Variants in PLPPR1 observed in about 807,000 individuals in gnomAD.
PLPPR1 encodes the protein phospholipid phosphatase related 1.
Under a neutral mutation model 33.1 loss-of-function variants are expected in PLPPR1, and 10 were observed. The ratio of observed to expected loss-of-function variants is 0.30; its 90% confidence interval spans 0.19 to 0.51. The LOEUF is 0.51. Among genes scored for constraint, PLPPR1 ranks in the 20% least tolerant of loss-of-function variants. The probability of loss-of-function intolerance (pLI) is 0.97; values close to 1 mark genes in which losing one functional copy is unlikely to be tolerated. For missense variants in PLPPR1, 304 were observed against 408.1 expected, an observed-to-expected ratio of 0.74 and a Z score of 2.20; for synonymous variants, 151 against 151.0, an observed-to-expected ratio of 1.00 and a Z score of 0.00.
intron 1 of PLPPR1, among the ~76,000 whole-genome samples, chr9:101,067,448 TA>T (rs1450769596): frequency 7.9e-5 from 12 of 151,960 alleles, no homozygotes; most frequent in African/African-American, 1.7e-4. Flanking sequence ...ATAGGATGGT[TA>T]AAAAATATAT....
chr9:101,154,538 G>C (rs1158133294), intron 1 of PLPPR1, among the ~76,000 whole-genome samples: 1 of 152,254 alleles, frequency 6.6e-6, no homozygotes, highest in East Asian at 1.9e-4. Context: ...CTGTATTTCT[G>C]TGGGATCAGT....
At chr9:101,052,815 A>C (rs1830238613) in intron 1 of PLPPR1, among the ~76,000 whole-genome samples, 1 of 152,228 alleles carries the variant, frequency 6.6e-6, no homozygotes, top group African/African-American at 2.4e-5. Flanking sequence ...ATTGTGGCTT[A>C]AAAGAAAATC....
In PLPPR1 at chr9:101,307,416, A is replaced by C. The variant is rs577464453; in HGVS notation, c.386-1795A>C. 1.2e-4 allele frequency among the ~76,000 whole-genome samples: 19 copies of C among 152,310 alleles called. No individual in the cohort carries two copies. In the South Asian group the frequency reaches 3.7e-3, roughly 30 times the overall value. On this transcript the variant is annotated intron_variant, in intron 4 of 7. Transcript: ENST00000374874. ...TCTGGACAGACTTATTGCCCCTTGA[A>C]AGACCCAGCAACCTGGTCTTTGAAA...
chr9:101,316,570 A>T (rs751074616), intron 6 of PLPPR1, among the ~76,000 whole-genome samples: 12 of 150,088 alleles, frequency 8.0e-5, no homozygotes, highest in Non-Finnish European at 1.5e-4. Flanking sequence ...ATGAAGAAAC[A>T]AAGAAAGTAT....
In PLPPR1 at chr9:101,127,976, T is replaced by C. The variant is rs535398686; in HGVS notation, c.-45-57474T>C. On this transcript the variant is annotated intron_variant, in intron 1 of 7. Transcript: ENST00000374874. ...TAGGAAGAATTAAATCCATCAGATA[T>C]TGGGCTGTGTAGGTGATACTGGGCT... Among the ~76,000 whole-genome samples the C allele has an allele frequency of 7.9e-5, 12 of 152,226 alleles. No homozygotes were observed. In the South Asian group the frequency reaches 2.5e-3, roughly 32 times the overall value.
At chr9:101,249,039 T>C (rs978446977) in intron 2 of PLPPR1, among the ~76,000 whole-genome samples, 24 of 152,214 alleles carry the variant, frequency 1.6e-4, no homozygotes, top group African/African-American at 5.3e-4. Context: ...GTGAGTTAGG[T>C]AGAACCACCA....
At chr9:101,322,122 C>A (rs1829163178) in intron 7 of PLPPR1, among the ~76,000 whole-genome samples, 1 of 134,440 alleles carries the variant, frequency 7.4e-6, no homozygotes. Flanking sequence ...CGCTTGAACC[C>A]AAGAGGCATG....
rs940046820 is a variant in PLPPR1, at chr9:101,045,107, C to A, written c.-46+16005C>A. On this transcript the variant is annotated intron_variant, in intron 1 of 7. Coordinates refer to ENST00000374874, the MANE Select transcript of PLPPR1 (RefSeq NM_207299.2). ...ATTTCAAGACTACCTAGATTAGAAG[C>A]ACCAAGGTCTTGCCAGACATAGCTG... Among the ~76,000 whole-genome samples the A allele has an allele frequency of 4.6e-5, 7 of 152,274 alleles. No homozygotes were observed. In the South Asian group the frequency reaches 8.3e-4, roughly 18 times the overall value.
chr9:101,236,581 A>G (rs1203158579), intron 2 of PLPPR1, among the ~76,000 whole-genome samples: 1 of 150,680 alleles, frequency 6.6e-6, no homozygotes, highest in East Asian at 1.9e-4. Context: ...AGTTACCATA[A>G]TACACTTGAA....
intron 2 of PLPPR1, among the ~76,000 whole-genome samples, chr9:101,259,173 A>C (rs1375254873): frequency 6.6e-6 from 1 of 152,102 alleles, no homozygotes; most frequent in African/African-American, 2.4e-5. Context: ...GAAGACAAGG[A>C]TGTAGTATTT....
intron 3 of PLPPR1, among the ~76,000 whole-genome samples, chr9:101,276,120 T>G (rs1238188620): frequency 6.6e-6 from 1 of 152,130 alleles, no homozygotes; most frequent in Non-Finnish European, 1.5e-5. Flanking sequence ...TACTTCCTCA[T>G]AATCTGCCTT....
chr9:101,225,043 A>C (rs1312304559), intron 2 of PLPPR1, among the ~76,000 whole-genome samples: 1 of 152,214 alleles, frequency 6.6e-6, no homozygotes, highest in East Asian at 1.9e-4. Flanking sequence ...ATAGCCAGAA[A>C]TGTGCCATAG....
intron 3 of PLPPR1, among the ~76,000 whole-genome samples, chr9:101,283,925 T>C (rs1464771888): frequency 1.3e-5 from 2 of 151,982 alleles, no homozygotes; most frequent in Non-Finnish European, 1.5e-5. Context: ...TAAAACCACA[T>C]TGAGATATAA....
intron 1 of PLPPR1, among the ~76,000 whole-genome samples, chr9:101,146,717 C>G (rs902330652): frequency 1.3e-5 from 2 of 152,198 alleles, no homozygotes; most frequent in African/African-American, 4.8e-5. Flanking sequence ...CCCTCTCACC[C>G]CCAGCCAGGA....
chr9:101,086,940 A>AG (rs752488415), intron 1 of PLPPR1, among the ~76,000 whole-genome samples: 2 of 152,198 alleles, frequency 1.3e-5, no homozygotes, highest in Non-Finnish European at 2.9e-5. Context: ...ACACTTTGGG[A>AG]GGCCAAGGAG....
At chr9:101,148,545 G>T (rs949740522) in intron 1 of PLPPR1, among the ~76,000 whole-genome samples, 4 of 152,106 alleles carry the variant, frequency 2.6e-5, no homozygotes, top group African/African-American at 9.7e-5. Context: ...ATTATGTGAG[G>T]TTAAGCCCTT....
At chr9:101,201,412 A>T (rs1358462896) in intron 2 of PLPPR1, among the ~76,000 whole-genome samples, 1 of 152,192 alleles carries the variant, frequency 6.6e-6, no homozygotes, top group Admixed American at 6.5e-5. Context: ...AAGATGAAAC[A>T]CTTTGAAGCT....
At position 101,156,510 on chromosome 9, in the gene PLPPR1, C is replaced by T. The variant is rs186327471; in HGVS notation, c.-45-28940C>T. 2.6e-3 allele frequency among the ~76,000 whole-genome samples: 349 copies of T among 133,550 alleles called. 4 individuals carry two copies. The highest frequency in any genetic ancestry group is 0.019 in the Middle Eastern group (4 of 216). 87.6% of individuals were successfully genotyped at this position (133,550 alleles called of 152,430 possible). On this transcript the variant is annotated intron_variant, in intron 1 of 7. Coordinates refer to ENST00000374874, the MANE Select transcript of PLPPR1 (RefSeq NM_207299.2). ...AAGTTGCAGTGAGCCAAGTTTGCACCATTGCACTCCAGCCTGGGTGATGGG... is the reference window on the plus strand; with the variant it reads ...AAGTTGCAGTGAGCCAAGTTTGCACTATTGCACTCCAGCCTGGGTGATGGG...
At chr9:101,192,811 C>A (rs1826320831) in intron 2 of PLPPR1, among the ~76,000 whole-genome samples, 1 of 152,038 alleles carries the variant, frequency 6.6e-6, no homozygotes. Flanking sequence ...AGGCTTCAAA[C>A]AAAGTAATAA....
Sources: allele counts gnomAD v4.1 joint callset (sites outside exome capture counted in the v4.1 genomes callset), GRCh38; gene constraint gnomAD v4.1.1; transcripts MANE v1.5; gene names NCBI Gene and HGNC (gene_info 2026-07-23, HGNC 2026-07-21).